Variants in CRYBG3 observed in about 807,000 individuals in gnomAD.
The protein encoded by CRYBG3 is crystallin beta-gamma domain containing 3, also known as very large A-kinase anchor protein.
In CRYBG3, 127 loss-of-function variants were observed where a neutral mutation model predicts 244.2. The ratio of observed to expected loss-of-function variants is 0.52; its 90% CI spans 0.45 to 0.60. The LOEUF (loss-of-function observed/expected upper bound fraction) is 0.60. Ranked by LOEUF, CRYBG3 falls within the 20% of genes least tolerant of loss-of-function variation. The pLI, the probability that CRYBG3 is intolerant of heterozygous loss-of-function variation, is 0.00. For missense variants in CRYBG3, 3,325 were observed against 3,442.5 expected (o/e 0.97, Z 0.85); for synonymous variants, 1,132 against 1,195.8 (o/e 0.95, Z 1.10).
chr3:97,937,387 T>A (rs2107104738), intron 19 of CRYBG3, among the ~76,000 whole-genome samples: 1 of 152,190 alleles, frequency 6.6e-6, no homozygotes, highest in African/African-American at 2.4e-5. Flanking sequence ...ACCTTGCTTC[T>A]CCAACCTCAT....
At chr3:97,912,880 C>A (rs753407282) in intron 16 of CRYBG3, among the ~76,000 whole-genome samples, 2 of 151,992 alleles carry the variant, frequency 1.3e-5, no homozygotes, top group Non-Finnish European at 2.9e-5. Flanking sequence ...TTTTATTGTG[C>A]TAAAATATAT....
intron 3 of CRYBG3, among the ~76,000 whole-genome samples, chr3:97,869,351 A>G (rs1046279632): frequency 6.6e-6 from 1 of 152,194 alleles, no homozygotes; most frequent in African/African-American, 2.4e-5. Flanking sequence ...AAGTATCACT[A>G]CATTATGAAG....
chr3:97,937,075 T>C (rs1016130038), intron 19 of CRYBG3, among the ~76,000 whole-genome samples, 167 bp downstream of exon 19: 11 of 152,120 alleles, frequency 7.2e-5, no homozygotes, highest in African/African-American at 2.7e-4. Context: ...ATTTGTAAGA[T>C]TGTATCTAAA....
chr3:97,872,723 G>A lies in CRYBG3; in HGVS notation c.1529G>A (p.Gly510Glu). Residue 510 changes from glycine to glutamate, a missense_variant, in exon 4 of 22, where the codon GGA becomes GAA. Physicochemically the swap from Gly to Glu is moderately conservative, Grantham distance 98. This residue lies in a region of CRYBG3 where 1,526 missense variants were observed against 1,443.2 expected (regional missense o/e 1.06). Coordinates refer to ENST00000389622, the MANE Select transcript of CRYBG3 (RefSeq NM_153605.4). ...AVTDTEFVNE[G>E]KRLSAQDSQK... ...ACAGACACAGAATTTGTAAATGAAGGAAAGAGATTGTCTGCCCAAGACTCA... is the reference window on the plus strand; with the variant it reads ...ACAGACACAGAATTTGTAAATGAAGAAAAGAGATTGTCTGCCCAAGACTCA... 2 of 1,535,948 alleles carry A rather than the reference G, an allele frequency of 1.3e-6. No homozygotes were observed. Among genetic ancestry groups the A allele is most frequent in the Non-Finnish European group, 8.7e-7 (1 of 1,146,804 alleles).
intron 1 of CRYBG3, among the ~76,000 whole-genome samples, chr3:97,829,724 T>C (rs1178021174): frequency 6.6e-6 from 1 of 152,214 alleles, no homozygotes; most frequent in African/African-American, 2.4e-5. Flanking sequence ...AGCACCAGTC[T>C]AGGTCCTGGG....
In CRYBG3 at chr3:97,883,678, G is replaced by A. The variant is rs185544611; in HGVS notation, c.7152+2459G>A. ...GTTGCAGTGTTAGTTCGTGTGTCTCGAACAGGTTAACAACTTTTAGTGAGG... is the reference window on the plus strand; with the variant it reads ...GTTGCAGTGTTAGTTCGTGTGTCTCAAACAGGTTAACAACTTTTAGTGAGG... On this transcript the variant is annotated intron_variant, in intron 7 of 21. Transcript: ENST00000389622. Among the ~76,000 whole-genome samples, 339 of 152,086 alleles carry A rather than the reference G, an allele frequency of 2.2e-3. 1 individual carries two copies. The highest frequency in any genetic ancestry group is 3.1e-3 in the Non-Finnish European group (211 of 67,986).
chr3:97,855,574 T>C (rs902801003), intron 2 of CRYBG3, among the ~76,000 whole-genome samples: 1 of 152,172 alleles, frequency 6.6e-6, no homozygotes, highest in African/African-American at 2.4e-5. Context: ...GTAGCTTGTA[T>C]ATGTCCAGGT....
Position 97,873,943 on chromosome 3 carries a change from A to G in CRYBG3, c.2749A>G (p.Lys917Glu). The change falls in exon 4 of 22, where the codon AAA (lysine) becomes GAA (glutamate). Residue 917 changes from lysine (K) to glutamate (E), a missense_variant. By Grantham distance (56) the Lys-to-Glu change is moderately conservative. Around this residue, in one of 4 missense-constraint regions of CRYBG3, gnomAD observed 1,526 missense variants for 1,443.2 expected, o/e 1.06. Coordinates refer to ENST00000389622, the MANE Select transcript of CRYBG3 (RefSeq NM_153605.4). ...AGCTGAGCTTTCTCCTGCTGCCTCC[A>G]AATATGAAGATAAGCCAGAACCAGA... Reference protein sequence around the residue: ...CQAELSPAASKYEDKPEPEVD... With the variant: ...CQAELSPAASEYEDKPEPEVD... 3.9e-6 allele frequency: 6 copies of G among 1,535,752 alleles called. No homozygotes were observed. Among genetic ancestry groups the G allele is most frequent in the Non-Finnish European group, 5.2e-6 (6 of 1,146,778 alleles).
intron 15 of CRYBG3, among the ~76,000 whole-genome samples, chr3:97,905,732 G>A (rs1049714570): frequency 8.6e-6 from 1 of 115,722 alleles, no homozygotes; most frequent in African/African-American, 3.0e-5. Context: ...TTGCTGTGCA[G>A]AAGCTCTTTA....
chr3:97,824,131 C>G (rs1445848508), intron 1 of CRYBG3, among the ~76,000 whole-genome samples: 1 of 152,128 alleles, frequency 6.6e-6, no homozygotes, highest in Non-Finnish European at 1.5e-5. Flanking sequence ...GAGCTTAAAT[C>G]TTTCATTTCA....
intron 1 of CRYBG3, among the ~76,000 whole-genome samples, chr3:97,834,986 T>C (rs2038712064): frequency 6.6e-6 from 1 of 152,168 alleles, no homozygotes. Flanking sequence ...TTCTTTCAAA[T>C]GATTCCCTAT....
chr3:97,920,729 C>T (rs1336373086), intron 17 of CRYBG3, among the ~76,000 whole-genome samples: 1 of 152,122 alleles, frequency 6.6e-6, no homozygotes, highest in Non-Finnish European at 1.5e-5. Context: ...GGGGTTTCAC[C>T]ATGTTGGCCA....
intron 19 of CRYBG3, among the ~76,000 whole-genome samples, chr3:97,940,505 T>A (rs1333548567): frequency 6.6e-6 from 1 of 152,022 alleles, no homozygotes; most frequent in Non-Finnish European, 1.5e-5. Flanking sequence ...TAGAGGCAAG[T>A]CCCAGGTTTA....
chr3:97,823,402 T>A (rs1190849672), intron 1 of CRYBG3, among the ~76,000 whole-genome samples: 1 of 152,154 alleles, frequency 6.6e-6, no homozygotes, highest in East Asian at 1.9e-4. Context: ...CCATTAGTAT[T>A]CAGATTTTGT....
At chr3:97,833,243 G>T (rs145453133) in intron 1 of CRYBG3, among the ~76,000 whole-genome samples, 1 of 152,060 alleles carries the variant, frequency 6.6e-6, no homozygotes, top group East Asian at 1.9e-4. Flanking sequence ...AAATCATTCT[G>T]CTATAAAGAC....
intron 15 of CRYBG3, among the ~76,000 whole-genome samples, chr3:97,906,855 C>T (rs1203026074): frequency 6.6e-6 from 1 of 151,148 alleles, no homozygotes. Flanking sequence ...CAGTTTTTGC[C>T]CATTCAGTAT....
At chr3:97,923,422 TATG>T (rs936224757) in intron 17 of CRYBG3, among the ~76,000 whole-genome samples, 6 of 152,188 alleles carry the variant, frequency 3.9e-5, no homozygotes, top group African/African-American at 1.4e-4. Context: ...TATTAACTAT[TATG>T]CACATTTTGA....
At chr3:97,890,736 G>A (rs1346388712) in intron 10 of CRYBG3, among the ~76,000 whole-genome samples, 1 of 152,038 alleles carries the variant, frequency 6.6e-6, no homozygotes, top group Non-Finnish European at 1.5e-5. Context: ...TTTAAGCATG[G>A]GGTTTATTTG....
chr3:97,912,790 TG>T (rs2039886826), intron 16 of CRYBG3, among the ~76,000 whole-genome samples: 1 of 152,176 alleles, frequency 6.6e-6, no homozygotes, highest in Admixed American at 6.5e-5. Context: ...ATTCTTCCAA[TG>T]GCAACAATAT....
Sources: gnomAD v4.1 joint callset for allele counts (sites outside exome capture counted in the v4.1 genomes callset) on GRCh38, gnomAD v4.1.1 for gene constraint, gnomAD v4.1.1 regional missense constraint, MANE v1.5 for transcripts, NCBI Gene and HGNC (gene_info 2026-07-23, HGNC 2026-07-21) for gene names.